Variants in PACRG observed in about 807,000 individuals in gnomAD.
The protein encoded by PACRG is parkin coregulated gene protein.
Under a neutral mutation model 29.7 loss-of-function variants are expected in PACRG, and 29 were observed. The observed-to-expected ratio is 0.98, with a 90% CI of 0.73 to 1.33. The LOEUF (loss-of-function observed/expected upper bound fraction) is 1.33. PACRG is among the 40% of genes most tolerant of loss of function. PACRG has a pLI of 0.00. For missense variants in PACRG, 279 were observed against 316.2 expected (o/e 0.88, Z 0.89); for synonymous variants, 116 against 118.7 (o/e 0.98, Z 0.15).
intron 4 of PACRG, among the ~76,000 whole-genome samples, chr6:163,099,951 C>T (rs1395142549): frequency 6.6e-6 from 1 of 152,174 alleles, no homozygotes; most frequent in East Asian, 1.9e-4. Context: ...ACCTTCTCTC[C>T]CCGCCCAGCG....
intron 1 of PACRG, among the ~76,000 whole-genome samples, chr6:162,799,743 A>C (rs891092507): frequency 1.3e-5 from 2 of 152,098 alleles, no homozygotes; most frequent in African/African-American, 4.8e-5. Context: ...GCATCATTAG[A>C]CACAAGGATT....
intron 2 of PACRG, among the ~76,000 whole-genome samples, chr6:162,868,671 G>A (rs1336535416): frequency 6.6e-6 from 1 of 152,026 alleles, no homozygotes; most frequent in Non-Finnish European, 1.5e-5. Context: ...CCTCCTTTCC[G>A]GCTCATCACC....
chr6:162,956,553 G>A (rs961010846), intron 2 of PACRG, among the ~76,000 whole-genome samples: 4 of 152,198 alleles, frequency 2.6e-5, no homozygotes, highest in African/African-American at 9.6e-5. Flanking sequence ...AGTCTCAGAT[G>A]AGAGTGTTGG....
chr6:162,978,169 G>A (rs1398821719), intron 2 of PACRG, among the ~76,000 whole-genome samples: 2 of 151,902 alleles, frequency 1.3e-5, no homozygotes, highest in Non-Finnish European at 2.9e-5. Flanking sequence ...GTTTATAACA[G>A]CATAAATAGC....
At chr6:163,027,882 T>G (rs1408708) in intron 2 of PACRG, among the ~76,000 whole-genome samples, 25,198 of 152,126 alleles carry the variant, frequency 0.17, 2,357 homozygotes, top group East Asian at 0.26. Flanking sequence ...TTGGAGAGCA[T>G]CTCTTTTCCA....
At chr6:162,765,222 C>A (rs918517358) in intron 1 of PACRG, among the ~76,000 whole-genome samples, 7 of 151,998 alleles carry the variant, frequency 4.6e-5, no homozygotes, top group South Asian at 4.1e-4. Context: ...GGCTAAGATG[C>A]ATTTTGAATT....
intron 2 of PACRG, among the ~76,000 whole-genome samples, chr6:163,013,653 G>A (rs935315438): frequency 6.6e-6 from 1 of 152,140 alleles, no homozygotes; most frequent in East Asian, 1.9e-4. Context: ...ACTCGTGGGT[G>A]TGGAAATAAG....
At position 163,101,899 on chromosome 6, in the gene PACRG, A is replaced by G. The variant is rs967280290; in HGVS notation, c.613+12491A>G. Among the ~76,000 whole-genome samples, 3 of 152,186 alleles carry G rather than the reference A, an allele frequency of 2.0e-5. 1 individual carries two copies. In the East Asian group the frequency reaches 5.8e-4, roughly 29 times the overall value. On this transcript the variant is annotated intron_variant, in intron 4 of 4. Transcript: ENST00000366888. The stretch of plus-strand genomic sequence containing the variant: ...TGCCAAAGAGAGAACCACATAATAC[A>G]TCCTTCACTGATTCATTTAAACAAA...
chr6:163,101,152 G>GC, intron 4 of PACRG: 1 of 983,870 alleles, frequency 1.0e-6, no homozygotes, highest in Non-Finnish European at 1.2e-6. Context: ...CTCTGCCTCT[G>GC]CCCCCGCCCC....
chr6:163,101,449 G>T (rs769382775), intron 4 of PACRG: 1 of 924,624 alleles, frequency 1.1e-6, no homozygotes, highest in Admixed American at 6.2e-5. Flanking sequence ...TTATAAATAT[G>T]ATAAACAATC....
chr6:163,127,813 C>A (rs1314792801), intron 4 of PACRG, among the ~76,000 whole-genome samples: 6 of 152,178 alleles, frequency 3.9e-5, no homozygotes, highest in Non-Finnish European at 7.3e-5. Context: ...GCTCAGAGTG[C>A]ACAGTTTAGC....
chr6:162,820,195 ATAAATCAG>A (rs1787723718), intron 2 of PACRG, among the ~76,000 whole-genome samples: 1 of 152,258 alleles, frequency 6.6e-6, no homozygotes, highest in Non-Finnish European at 1.5e-5. Flanking sequence ...AATTAGATGC[ATAAATCAG>A]CCTTTATAAT....
At chr6:163,104,001 C>T (rs888703438) in intron 4 of PACRG, among the ~76,000 whole-genome samples, 2 of 152,266 alleles carry the variant, frequency 1.3e-5, no homozygotes, top group African/African-American at 2.4e-5. Context: ...AATAGCATTT[C>T]TAAGGTAATT....
chr6:162,905,423 T>G (rs1456445591), intron 2 of PACRG, among the ~76,000 whole-genome samples: 2 of 152,206 alleles, frequency 1.3e-5, no homozygotes, highest in Non-Finnish European at 2.9e-5. Context: ...AGAAACCGTT[T>G]CTGTTTGCTG....
chr6:162,923,328 C>G (rs965158911), intron 2 of PACRG, among the ~76,000 whole-genome samples: 3 of 152,116 alleles, frequency 2.0e-5, no homozygotes, highest in Non-Finnish European at 4.4e-5. Flanking sequence ...TGCAGATTGT[C>G]TCTTCACTCT....
At chr6:162,928,642 A>G (rs186768014) in intron 2 of PACRG, among the ~76,000 whole-genome samples, 16 of 151,992 alleles carry the variant, frequency 1.1e-4, no homozygotes, top group Admixed American at 5.2e-4. Context: ...CTTCTTAGCT[A>G]TTTTGAAATA....
chr6:163,006,809 A>C (rs769039269), intron 2 of PACRG, among the ~76,000 whole-genome samples: 5 of 150,924 alleles, frequency 3.3e-5, no homozygotes, highest in Non-Finnish European at 5.9e-5. Flanking sequence ...TTCATTTTTT[A>C]ATTTTAACCT....
intron 1 of PACRG, among the ~76,000 whole-genome samples, chr6:162,767,472 C>T (rs904064904): frequency 1.3e-5 from 2 of 151,376 alleles, no homozygotes; most frequent in South Asian, 2.1e-4. Flanking sequence ...TTTTGTTTAA[C>T]GTTTACTTGG....
chr6:162,902,287 G>A (rs1795616076), intron 2 of PACRG, among the ~76,000 whole-genome samples: 2 of 152,188 alleles, frequency 1.3e-5, no homozygotes, highest in African/African-American at 4.8e-5. Context: ...TAAGTAGGAA[G>A]CAATCCATTT....
Sources: gnomAD v4.1 joint callset for allele counts (sites outside exome capture counted in the v4.1 genomes callset) on GRCh38, gnomAD v4.1.1 for gene constraint, MANE v1.5 for transcripts, NCBI Gene and HGNC (gene_info 2026-07-23, HGNC 2026-07-21) for gene names.